Variants in TTLL9 observed in about 807,000 individuals in gnomAD.
The protein encoded by TTLL9 is probable tubulin polyglutamylase TTLL9.
A neutral mutation model predicts 65.6 loss-of-function variants in TTLL9; 47 were observed. The observed-to-expected ratio is 0.72, with a 90% CI of 0.57 to 0.91. The LOEUF (loss-of-function observed/expected upper bound fraction) is 0.91. Among genes scored for constraint, TTLL9 ranks in the 40% least tolerant of loss-of-function variants. The pLI is 0.00. For missense variants in TTLL9, 537 were observed against 568.8 expected, an observed-to-expected ratio of 0.94 and a Z score of 0.57; for synonymous variants, 179 against 204.8, an observed-to-expected ratio of 0.87 and a Z score of 1.07.
At chr20:31,912,676 A>G (rs1208790674) in intron 6 of TTLL9, among the ~76,000 whole-genome samples, 2 of 150,922 alleles carry the variant, frequency 1.3e-5, no homozygotes, top group Admixed American at 6.6e-5. Context: ...TGGCTCATAC[A>G]ATATTGTGGG....
intron 2 of TTLL9, among the ~76,000 whole-genome samples, chr20:31,886,205 C>G (rs901650988): frequency 1.3e-5 from 2 of 152,208 alleles, no homozygotes; most frequent in Non-Finnish European, 2.9e-5. Context: ...AATGGATTCC[C>G]ATCATTTTAA....
intron 12 of TTLL9, among the ~76,000 whole-genome samples, chr20:31,935,765 G>A (rs1455544771): frequency 6.6e-6 from 1 of 152,238 alleles, no homozygotes; most frequent in Non-Finnish European, 1.5e-5. Context: ...CAGCCCTGGG[G>A]CCTGGGTAGT....
chr20:31,921,773 T>C (rs1600597986), intron 7 of TTLL9, among the ~76,000 whole-genome samples: 1 of 150,902 alleles, frequency 6.6e-6, no homozygotes, highest in Non-Finnish European at 1.5e-5. Flanking sequence ...AATTGAACAA[T>C]GAGAACACTT....
At chr20:31,908,817 C>G in intron 5 of TTLL9, 115 bp downstream of exon 5, 1 of 848,732 alleles carries the variant, frequency 1.2e-6, no homozygotes, top group Admixed American at 2.0e-5. Context: ...GATGCAACGC[C>G]GAGTGGGAAG....
chr20:31,893,289 TTC>T (rs2063333077), intron 3 of TTLL9, among the ~76,000 whole-genome samples: 3 of 149,212 alleles, frequency 2.0e-5, no homozygotes, highest in Admixed American at 6.8e-5. Context: ...GCTGTTCTTT[TTC>T]TTTTTTTTTT....
chr20:31,897,194 A>C (rs2063399954), intron 3 of TTLL9, among the ~76,000 whole-genome samples: 1 of 152,220 alleles, frequency 6.6e-6, no homozygotes, highest in Non-Finnish European at 1.5e-5. Flanking sequence ...TTATGAATTC[A>C]ATTTCCTTAA....
chr20:31,909,930 C>T lies in TTLL9; in HGVS notation c.504+8C>T. 6.2e-7 allele frequency: 1 copy of T among 1,611,768 alleles called. No homozygotes were observed. The highest frequency in any genetic ancestry group is 8.5e-7 in the Non-Finnish European group (1 of 1,178,324). ...ACCTGGATCATGAAGCCTGTGAGTG[C>T]CCAGTGCCAGGGGCTGGGTGGGAGG... is the stretch of plus-strand genomic sequence containing the variant. On this transcript the variant is annotated splice_region_variant and intron_variant, in intron 6 of 14. Transcript: ENST00000535842.
rs1026228031 is a variant in TTLL9 at position 31,894,079 on chromosome 20, C to A, written c.114-4394C>A. On this transcript the variant is annotated intron_variant, in intron 3 of 14. Transcript: ENST00000535842. ...ATTTCAGATATTATAGTTTTCCCTT[C>A]TAGAATTTCCATTTGGTTCTTTTTT... Among the ~76,000 whole-genome samples, 90 of 143,058 alleles carry A rather than the reference C, an allele frequency of 6.3e-4. 1 individual carries two copies. Among genetic ancestry groups the A allele is most frequent in the African/African-American group, 2.2e-3 (86 of 39,112 alleles). The allele number at this position is 143,058 out of a possible 152,430, so 93.9% of individuals were successfully genotyped here.
At chr20:31,881,803 C>G (rs915016617) in intron 2 of TTLL9, among the ~76,000 whole-genome samples, 1 of 152,058 alleles carries the variant, frequency 6.6e-6, no homozygotes, top group Non-Finnish European at 1.5e-5. Flanking sequence ...CCCTTGAACC[C>G]GACTGATTCC....
At chr20:31,891,640 T>C (rs1037903140) in intron 3 of TTLL9, among the ~76,000 whole-genome samples, 2 of 151,524 alleles carry the variant, frequency 1.3e-5, no homozygotes, top group African/African-American at 4.8e-5. Context: ...ATGCCCAGCC[T>C]ATTTGATATT....
intron 3 of TTLL9, among the ~76,000 whole-genome samples, chr20:31,896,633 G>A (rs894760119): frequency 8.6e-5 from 13 of 151,968 alleles, no homozygotes; most frequent in African/African-American, 3.1e-4. Context: ...CAATTCAAGC[G>A]ATTCTCCTGC....
At chr20:31,882,089 C>T (rs1424183956) in intron 2 of TTLL9, among the ~76,000 whole-genome samples, 1 of 152,106 alleles carries the variant, frequency 6.6e-6, no homozygotes, top group African/African-American at 2.4e-5. Flanking sequence ...TCATGTCAGC[C>T]TTAAGAGAAC....
intron 3 of TTLL9, among the ~76,000 whole-genome samples, chr20:31,889,038 GCACA>G (rs3220144): frequency 0.13 from 19,768 of 147,252 alleles, 1,588 homozygotes; most frequent in African/African-American, 0.24. Flanking sequence ...TTTTATAAAG[GCACA>G]CACACACACA....
chr20:31,889,412 C>T (rs1240455537), intron 3 of TTLL9, among the ~76,000 whole-genome samples: 1 of 151,354 alleles, frequency 6.6e-6, no homozygotes, highest in Non-Finnish European at 1.5e-5. Flanking sequence ...AGGCTCATGC[C>T]AGTGCACCTG....
At chr20:31,916,727 A>G (rs8121840) in intron 6 of TTLL9, among the ~76,000 whole-genome samples, 71,957 of 152,012 alleles carry the variant, frequency 0.47, 17,298 homozygotes, top group Admixed American at 0.52. Context: ...AGTCACAGGC[A>G]TCATCTCCGC....
At chr20:31,937,255 T>C in intron 12 of TTLL9, 141 bp from the exon 13 acceptor site, 2 of 543,342 alleles carry the variant, frequency 3.7e-6, no homozygotes, top group Non-Finnish European at 3.3e-6. Context: ...TAAAAATAAT[T>C]AAAAAAAAAT....
intron 2 of TTLL9, chr20:31,883,982 T>C: frequency 2.2e-6 from 1 of 456,512 alleles, no homozygotes; most frequent in Non-Finnish European, 4.0e-6. Flanking sequence ...GCATAAATAT[T>C]GAAAAGAAAG....
At chr20:31,928,221 C>G (rs1277547201) in intron 10 of TTLL9, among the ~76,000 whole-genome samples, 1 of 152,064 alleles carries the variant, frequency 6.6e-6, no homozygotes, top group African/African-American at 2.4e-5. Flanking sequence ...TCTCCCGGGG[C>G]TAGTTTCTAG....
At chr20:31,886,508 A>T (rs2123411170) in intron 2 of TTLL9, among the ~76,000 whole-genome samples, 1 of 152,294 alleles carries the variant, frequency 6.6e-6, no homozygotes, top group Admixed American at 6.5e-5. Flanking sequence ...TTAATCAAAC[A>T]TTCCAAGTTA....
Sources: gnomAD v4.1 joint callset for allele counts (sites outside exome capture counted in the v4.1 genomes callset) on GRCh38, gnomAD v4.1.1 for gene constraint, MANE v1.5 for transcripts, NCBI Gene and HGNC (gene_info 2026-07-23, HGNC 2026-07-21) for gene names.